CMIP: variants seen among roughly 807,000 people sequenced by gnomAD.
CMIP encodes the protein C-Maf-inducing protein.
CMIP carries 13 observed loss-of-function variants against 97.3 expected under a neutral mutation model. That is an observed-to-expected ratio of 0.13 (90% confidence interval 0.09 to 0.21). The LOEUF (loss-of-function observed/expected upper bound fraction) is 0.21, where lower values mean the gene tolerates loss of function less well. CMIP is among the 10% of genes least tolerant of loss of function. The pLI, the probability that CMIP is intolerant of heterozygous loss-of-function variation, is 1.00. For missense variants in CMIP, 847 were observed against 1,024.9 expected, an observed-to-expected ratio of 0.83 and a Z score of 2.37; for synonymous variants, 538 against 436.3, an observed-to-expected ratio of 1.23 and a Z score of -2.91.
chr16:81,648,224 T>C (rs1308681405), intron 3 of CMIP, among the ~76,000 whole-genome samples: 1 of 151,838 alleles, frequency 6.6e-6, no homozygotes, highest in Non-Finnish European at 1.5e-5. Context: ...GGAAAGAGCT[T>C]TGCAGTGGCC....
chr16:81,667,799 AGT>A (rs71146027), intron 7 of CMIP, among the ~76,000 whole-genome samples: 817 of 58,022 alleles, frequency 0.014, 9 homozygotes, highest in African/African-American at 0.036. Flanking sequence ...AGAGAGAGAG[AGT>A]GTGTGTGTGT....
intron 1 of CMIP, among the ~76,000 whole-genome samples, chr16:81,543,934 C>G (rs146995747): frequency 6.6e-6 from 1 of 152,206 alleles, no homozygotes; most frequent in Non-Finnish European, 1.5e-5. Context: ...ATCGTATTAT[C>G]GGGAAAAGGT....
intron 3 of CMIP, among the ~76,000 whole-genome samples, chr16:81,628,654 C>T (rs142409110): frequency 2.6e-5 from 4 of 152,286 alleles, no homozygotes; most frequent in African/African-American, 7.2e-5. Context: ...TGGCTCCCAA[C>T]TGTACATGCA....
chr16:81,499,515 A>C (rs938974484), intron 1 of CMIP, among the ~76,000 whole-genome samples: 1 of 152,214 alleles, frequency 6.6e-6, no homozygotes, highest in Admixed American at 6.5e-5. Flanking sequence ...GCCCTGGCTG[A>C]GCTGTCTCCT....
chr16:81,480,366 C>G (rs1166098638), intron 1 of CMIP, among the ~76,000 whole-genome samples: 1 of 152,084 alleles, frequency 6.6e-6, no homozygotes, highest in African/African-American at 2.4e-5. Flanking sequence ...GTGGTGAAAC[C>G]CCATCTCTAC....
chr16:81,703,812 G>T (rs1907703674), intron 17 of CMIP, 127 bp from the exon 18 acceptor site: 1 of 1,338,312 alleles, frequency 7.5e-7, no homozygotes, highest in Non-Finnish European at 1.0e-6. Flanking sequence ...CAGCTCCTGG[G>T]ATTTACCGCC....
At chr16:81,488,129 C>G (rs1008062816) in intron 1 of CMIP, among the ~76,000 whole-genome samples, 1 of 118,660 alleles carries the variant, frequency 8.4e-6, no homozygotes, top group South Asian at 2.7e-4. Flanking sequence ...TTATTGGCTG[C>G]ATGACCTTAG....
chr16:81,577,900 A>G (rs553424264), intron 1 of CMIP, among the ~76,000 whole-genome samples: 7 of 149,652 alleles, frequency 4.7e-5, no homozygotes, highest in African/African-American at 1.8e-4. Context: ...CCACTACGCT[A>G]TTATCACTGT....
chr16:81,531,502 A>G (rs1189570616), intron 1 of CMIP, among the ~76,000 whole-genome samples: 1 of 151,898 alleles, frequency 6.6e-6, no homozygotes. Context: ...CTACGACCCT[A>G]CCCGTGTTTT....
intron 10 of CMIP, among the ~76,000 whole-genome samples, chr16:81,689,441 C>T (rs974164444): frequency 2.0e-5 from 3 of 152,216 alleles, no homozygotes; most frequent in African/African-American, 7.2e-5. Flanking sequence ...TGTCTGTTGG[C>T]TGCATAAATG....
chr16:81,479,907 C>G (rs963016921), intron 1 of CMIP, among the ~76,000 whole-genome samples: 6 of 152,186 alleles, frequency 3.9e-5, no homozygotes, highest in Non-Finnish European at 8.8e-5. Context: ...TCCTGGCCAG[C>G]TGAGAAATAA....
chr16:81,567,929 C>T (rs747754263), intron 1 of CMIP, among the ~76,000 whole-genome samples: 4 of 151,942 alleles, frequency 2.6e-5, no homozygotes, highest in African/African-American at 9.7e-5. Context: ...GTTTCATTCT[C>T]CAGGCTTTAT....
intron 1 of CMIP, among the ~76,000 whole-genome samples, chr16:81,559,823 T>A (rs1314037485): frequency 6.6e-6 from 1 of 152,148 alleles, no homozygotes; most frequent in East Asian, 1.9e-4. Flanking sequence ...TAAAACAGCC[T>A]CAGGCAAGTC....
At chr16:81,653,538 C>A (rs1426720918) in intron 4 of CMIP, among the ~76,000 whole-genome samples, 1 of 152,252 alleles carries the variant, frequency 6.6e-6, no homozygotes, top group African/African-American at 2.4e-5. Flanking sequence ...GGAAATGAAT[C>A]ACAGAGTGGC....
At chr16:81,617,702 C>G (rs1417635835) in intron 2 of CMIP, among the ~76,000 whole-genome samples, 2 of 152,242 alleles carry the variant, frequency 1.3e-5, no homozygotes, top group Non-Finnish European at 2.9e-5. Flanking sequence ...GTAACCAGCT[C>G]TGGCCCAGCC....
At position 81,573,484 on chromosome 16, in the gene CMIP, G is replaced by C. The variant is rs557284818; in HGVS notation, c.301-34083G>C. On this transcript the variant is annotated intron_variant, in intron 1 of 20. Transcript: ENST00000537098. ...ATTTAAGGTTTTGGAAAGAAGTGGA[G>C]AGGAATTCCACCTTTGGCCTGGGAT... Among the ~76,000 whole-genome samples, 389 of 152,314 alleles carry C rather than the reference G, an allele frequency of 2.6e-3. 3 individuals are homozygous for C. The highest frequency in any genetic ancestry group is 8.5e-3 in the African/African-American group (353 of 41,554).
Position 81,660,940 on chromosome 16 carries a change from T to C in CMIP, c.738T>C (p.Phe246=), listed in dbSNP as rs1308068031. 3 of 1,613,892 alleles carry C rather than the reference T, an allele frequency of 1.9e-6. No homozygotes were observed. The African/African-American group carries it at 4.0e-5, about 22-fold the overall frequency. ...CACCACCAGATCTCTGTGAATTCTT[T>C]TGCAAGGTACGGGATTGCTGAGCTG... ...NHPPPDLCEF[F]CKHCRERPRS... is the part of the protein sequence containing the mutation. The change falls in exon 6 of 21, where the codon TTT becomes TTC. Residue 246 remains phenylalanine, a synonymous_variant. Transcript: ENST00000537098.
At chr16:81,650,936 G>A (rs1221409593) in intron 3 of CMIP, among the ~76,000 whole-genome samples, 1 of 152,162 alleles carries the variant, frequency 6.6e-6, no homozygotes, top group Non-Finnish European at 1.5e-5. Flanking sequence ...CACTTGGCAT[G>A]GAATGTGTCC....
At chr16:81,706,659 A>G (rs1908180425) in intron 19 of CMIP, among the ~76,000 whole-genome samples, 1 of 152,044 alleles carries the variant, frequency 6.6e-6, no homozygotes, top group African/African-American at 2.4e-5. Flanking sequence ...CGACGGGGGG[A>G]CCATCCGGGG....
Sources: allele counts gnomAD v4.1 joint callset (sites outside exome capture counted in the v4.1 genomes callset), GRCh38; gene constraint gnomAD v4.1.1; transcripts MANE v1.5; gene names NCBI Gene and HGNC (gene_info 2026-07-23, HGNC 2026-07-21).